Variants in RABEP1 observed in about 807,000 individuals in gnomAD.
The protein encoded by RABEP1 is rabaptin, RAB GTPase binding effector protein 1, also known as rab GTPase-binding effector protein 1.
Under a neutral mutation model 123.4 loss-of-function variants are expected in RABEP1, and 51 were observed. The ratio of observed to expected loss-of-function variants is 0.41; its 90% CI spans 0.33 to 0.52. The LOEUF (loss-of-function observed/expected upper bound fraction) is 0.52, where lower values mean the gene tolerates loss of function less well. RABEP1 is among the 20% of genes least tolerant of loss of function. The pLI, the probability that RABEP1 is intolerant of heterozygous loss-of-function variation, is 0.16. For missense variants in RABEP1, 888 were observed against 996.3 expected, an observed-to-expected ratio of 0.89 and a Z score of 1.46; for synonymous variants, 347 against 355.2, an observed-to-expected ratio of 0.98 and a Z score of 0.26.
At chr17:5,307,259 G>C (rs1012936150) in intron 1 of RABEP1, among the ~76,000 whole-genome samples, 8 of 152,146 alleles carry the variant, frequency 5.3e-5, no homozygotes, top group African/African-American at 1.7e-4. Context: ...CAGAATTTGC[G>C]GTGAGCCGAG....
At chr17:5,351,653 T>A (rs1163758640) in intron 7 of RABEP1, among the ~76,000 whole-genome samples, 3 of 152,086 alleles carry the variant, frequency 2.0e-5, no homozygotes, top group Non-Finnish European at 4.4e-5. Flanking sequence ...AGAAGAATAA[T>A]TAGCTGGGCA....
chr17:5,304,558 G>C (rs953365487), intron 1 of RABEP1, among the ~76,000 whole-genome samples: 1 of 151,826 alleles, frequency 6.6e-6, no homozygotes, highest in Non-Finnish European at 1.5e-5. Context: ...CTCCAGCCTG[G>C]GCAACAAAGC....
chr17:5,381,620 C>T, intron 17 of RABEP1, 115 bp downstream of exon 17: 2 of 1,442,684 alleles, frequency 1.4e-6, no homozygotes, highest in Non-Finnish European at 9.1e-7. Context: ...CTGGCTGCTC[C>T]TACCTCCACC....
Position 5,350,432 on chromosome 17 carries a change from T to C in RABEP1, c.785-19T>C. On this transcript the variant is annotated intron_variant, in intron 6 of 17. Transcript: ENST00000537505. ...AAAATTCAGTGTTTTTGATTTGTGG[T>C]GGGGGGGTTCCTAAACAGTTTGCCA... is the stretch of plus-strand genomic sequence containing the variant. 1.3e-6 allele frequency: 2 copies of C among 1,587,506 alleles called. No individual in the cohort carries two copies. Among genetic ancestry groups the C allele is most frequent in the Non-Finnish European group, 1.7e-6 (2 of 1,169,802 alleles).
Position 5,373,449 on chromosome 17 carries a change from A to G in RABEP1, c.2020A>G (p.Thr674Ala), listed in dbSNP as rs200444793. The change falls in exon 13 of 18, where the codon ACA becomes GCA. Residue 674 changes from threonine (T) to alanine (A), a missense_variant. Physicochemically the swap from Thr to Ala is moderately conservative, Grantham distance 58 (BLOSUM62 0). Coordinates refer to ENST00000537505, the MANE Select transcript of RABEP1 (RefSeq NM_004703.6). ...AGAAGACTTCATCCTCCCAGACACTACAGAGGTAACTTACTTTCCACATGA... is the reference window on the plus strand; with the variant it reads ...AGAAGACTTCATCCTCCCAGACACTGCAGAGGTAACTTACTTTCCACATGA... ...QAEDFILPDT[T>A]EALRELVLKY... 98 of 1,602,880 alleles carry G rather than the reference A, an allele frequency of 6.1e-5. No individual in the cohort carries two copies. In the African/African-American group the frequency reaches 1.0e-3, roughly 16 times the overall value.
Position 5,282,557 on chromosome 17 carries a change from C to T in RABEP1, c.34+37C>T, listed in dbSNP as rs868782547. ...ACCATGGCAGGCGCGGCGGGCGCGG[C>T]CTGCCCGGCGTCGGCGTCGCGGGAG... is the stretch of plus-strand genomic sequence containing the variant. On this transcript the variant is annotated intron_variant, in intron 1 of 17. Transcript: ENST00000537505. 20 of 1,153,712 alleles carry T rather than the reference C, an allele frequency of 1.7e-5. 1 individual carries two copies. In the Middle Eastern group the frequency reaches 2.4e-3, roughly 138 times the overall value. 71.5% of individuals were successfully genotyped at this position (1,153,712 alleles called of 1,614,324 possible).
In RABEP1 at chr17:5,361,551, C is replaced by A; in HGVS notation, c.1439C>A (p.Thr480Lys). The change falls in exon 9 of 18, where the codon ACA becomes AAA. Residue 480 changes from threonine to lysine, a missense_variant. Physicochemically the swap from Thr to Lys is moderately conservative, Grantham distance 78. Coordinates refer to ENST00000537505, the MANE Select transcript of RABEP1 (RefSeq NM_004703.6). ...CAGGAAAGAGCAATCAAGGCGATGA[C>A]ACCAGAACAAGAAGAGACAGCGTCC... ...KDQERAIKAM[T>K]PEQEETASLL... 1.2e-6 allele frequency: 2 copies of A among 1,614,176 alleles called. No individual in the cohort carries two copies. The highest frequency in any genetic ancestry group is 1.7e-6 in the Non-Finnish European group (2 of 1,180,036).
chr17:5,316,719 C>G, intron 2 of RABEP1, among the ~76,000 whole-genome samples: 1 of 148,750 alleles, frequency 6.7e-6, no homozygotes, highest in African/African-American at 2.5e-5. Flanking sequence ...TGTAATCCCA[C>G]CTACTCGGGA....
At chr17:5,367,397 G>T (rs1910111027) in intron 11 of RABEP1, among the ~76,000 whole-genome samples, 1 of 151,494 alleles carries the variant, frequency 6.6e-6, no homozygotes, top group Admixed American at 6.6e-5. Context: ...TCAGCCTCCT[G>T]AGTAGCTGGG....
At chr17:5,381,556 C>G in intron 17 of RABEP1, 51 bp downstream of exon 17, 1 of 1,575,018 alleles carries the variant, frequency 6.3e-7, no homozygotes, top group African/African-American at 1.4e-5. Context: ...TTTTGGGGGA[C>G]AGAACCTTGC....
At chr17:5,304,944 A>G (rs2075167253) in intron 1 of RABEP1, among the ~76,000 whole-genome samples, 1 of 152,180 alleles carries the variant, frequency 6.6e-6, no homozygotes, top group Non-Finnish European at 1.5e-5. Flanking sequence ...AATACTACCA[A>G]TTTAATAATG....
At chr17:5,332,959 T>A (rs549335001) in intron 3 of RABEP1, among the ~76,000 whole-genome samples, 1 of 152,130 alleles carries the variant, frequency 6.6e-6, no homozygotes, top group African/African-American at 2.4e-5. Flanking sequence ...CACTGCACTC[T>A]GTTGGGTAGA....
chr17:5,379,837 C>G (rs1005515640), intron 15 of RABEP1, among the ~76,000 whole-genome samples: 2 of 152,258 alleles, frequency 1.3e-5, no homozygotes, highest in East Asian at 1.9e-4. Flanking sequence ...AGGATCAAGT[C>G]CATATCCTTA....
intron 11 of RABEP1, among the ~76,000 whole-genome samples, chr17:5,365,556 G>T (rs1166845448): frequency 3.3e-5 from 5 of 151,720 alleles, no homozygotes; most frequent in South Asian, 4.2e-4. Context: ...CTTTTTAAAA[G>T]TATAGCAACA....
intron 11 of RABEP1, among the ~76,000 whole-genome samples, chr17:5,367,631 G>C (rs1910169061): frequency 6.6e-6 from 1 of 151,016 alleles, no homozygotes; most frequent in Non-Finnish European, 1.5e-5. Flanking sequence ...TTGGTGAAAA[G>C]ATCCACCTTT....
At chr17:5,350,399 C>T (rs950078048) in intron 6 of RABEP1, 52 bp from the exon 7 acceptor site, 2 of 1,557,708 alleles carry the variant, frequency 1.3e-6, no homozygotes, top group African/African-American at 2.8e-5. Context: ...AAGAAATTGC[C>T]TACCATTAAA....
At chr17:5,282,900 T>C (rs1382829004) in intron 1 of RABEP1, among the ~76,000 whole-genome samples, 2 of 151,806 alleles carry the variant, frequency 1.3e-5, no homozygotes, top group Non-Finnish European at 2.9e-5. Flanking sequence ...AGAAAAAAAA[T>C]CTTAGCTTAG....
chr17:5,296,539 G>T (rs1435782067), intron 1 of RABEP1, among the ~76,000 whole-genome samples: 3 of 152,124 alleles, frequency 2.0e-5, no homozygotes, highest in African/African-American at 7.2e-5. Flanking sequence ...GGGATTACAG[G>T]TGTGAGCCAC....
intron 1 of RABEP1, among the ~76,000 whole-genome samples, chr17:5,297,916 C>T (rs1455740073): frequency 1.3e-5 from 2 of 152,192 alleles, no homozygotes; most frequent in African/African-American, 2.4e-5. Context: ...ATTTCATTTT[C>T]TGTAGCTTTA....
Sources: gnomAD v4.1 joint callset for allele counts (sites outside exome capture counted in the v4.1 genomes callset) on GRCh38, gnomAD v4.1.1 for gene constraint, MANE v1.5 for transcripts, NCBI Gene and HGNC (gene_info 2026-07-23, HGNC 2026-07-21) for gene names.